RUBCNL: variants seen among roughly 807,000 people sequenced by gnomAD.
RUBCNL encodes the protein rubicon like autophagy enhancer, also known as protein associated with UVRAG as autophagy enhancer.
A neutral mutation model predicts 69.5 loss-of-function variants in RUBCNL; 62 were observed. That is an observed-to-expected ratio of 0.89 (90% CI 0.73 to 1.10). The LOEUF is 1.10. Among genes scored for constraint, RUBCNL ranks in the 50% least tolerant of loss-of-function variants. The pLI is 0.00. For synonymous variants in RUBCNL, 291 were observed against 303.6 expected (o/e 0.96, Z 0.43); for missense variants, 768 against 798.1 (o/e 0.96, Z 0.45).
intron 9 of RUBCNL, among the ~76,000 whole-genome samples, chr13:46,358,747 G>GTC (rs1270636496): frequency 6.6e-6 from 1 of 151,994 alleles, no homozygotes; most frequent in Admixed American, 6.6e-5. Flanking sequence ...TAGAGAGAGG[G>GTC]TTTCACCATG....
At chr13:46,343,871 C>T (rs1566060308) in intron 14 of RUBCNL, among the ~76,000 whole-genome samples, 1 of 152,154 alleles carries the variant, frequency 6.6e-6, no homozygotes, top group Non-Finnish European at 1.5e-5. Context: ...GCTTTGTCCC[C>T]TTCCTGGCAC....
At chr13:46,362,650 A>C in intron 6 of RUBCNL, 52 bp from the exon 7 acceptor site, 1 of 1,293,074 alleles carries the variant, frequency 7.7e-7, no homozygotes, top group Non-Finnish European at 1.1e-6. Flanking sequence ...TGTTTCATTT[A>C]ATCGCAGTCC....
Position 46,350,196 on chromosome 13 carries a change from T to C in RUBCNL, c.1486A>G (p.Ser496Gly), listed in dbSNP as rs1161091879. The C allele has an allele frequency of 1.3e-6, 2 of 1,591,838 alleles. No individual in the cohort carries two copies. Among genetic ancestry groups the C allele is most frequent in the Admixed American group, 3.5e-5 (2 of 56,630 alleles). Residue 496 changes from serine to glycine, a missense_variant, in exon 11 of 15, where the codon AGC (serine) becomes GGC (glycine). By Grantham distance (56) the Ser-to-Gly change is moderately conservative (BLOSUM62 0). Transcript: ENST00000429979. The stretch of plus-strand genomic sequence containing the variant: ...TTGAAAATGGGCTGGTGCCATATGC[T>C]GTCGAGCAGCTGTTTGGAGAAATTG... ...VSNFSKQLLD[S>G]IWHQPIFNLL... is the part of the protein sequence containing the mutation.
Position 46,344,787 on chromosome 13 carries a change from C to T in RUBCNL, c.1830G>A (p.Thr610=), listed in dbSNP as rs767364076. The T allele has an allele frequency of 3.7e-6, 6 of 1,611,890 alleles. No individual in the cohort carries two copies. The highest frequency in any genetic ancestry group is 4.2e-6 in the Non-Finnish European group (5 of 1,178,932). ...KGFICEFCQN[T]TVIFPFQTAT... is the part of the protein sequence containing the mutation. ...CTGTCTGAAATGGGAAGATGACAGT[C>T]GTATTCTGGCAAAATTCACAAATAA... Residue 610 remains threonine (T), a synonymous_variant, in exon 14 of 15, where the codon ACG becomes ACA. Transcript: ENST00000429979.
chr13:46,353,817 A>G (rs1298621431), intron 10 of RUBCNL, among the ~76,000 whole-genome samples: 1 of 152,256 alleles, frequency 6.6e-6, no homozygotes, highest in Non-Finnish European at 1.5e-5. Flanking sequence ...GTGCTGTCCA[A>G]TACAGTAGCC....
At chr13:46,361,140 G>A (rs1303310549) in intron 8 of RUBCNL, among the ~76,000 whole-genome samples, 3 of 152,182 alleles carry the variant, frequency 2.0e-5, no homozygotes, top group African/African-American at 7.2e-5. Context: ...CAGGAGAATC[G>A]CTTGAACCCA....
At chr13:46,354,613 G>T in intron 10 of RUBCNL, 1 of 353,216 alleles carries the variant, frequency 2.8e-6, no homozygotes, top group Non-Finnish European at 5.7e-6. Context: ...CTTTGCACAT[G>T]ACGAACACCC....
chr13:46,373,539 T>C (rs1293306091), intron 2 of RUBCNL, among the ~76,000 whole-genome samples: 1 of 152,012 alleles, frequency 6.6e-6, no homozygotes, highest in Non-Finnish European at 1.5e-5. Flanking sequence ...ATGATTAAAA[T>C]GTTGAGAGCT....
rs983773653 is a variant in RUBCNL, at chr13:46,334,990, G to A, written c.*8395C>T. Among the ~76,000 whole-genome samples the A allele has an allele frequency of 6.6e-6, 1 of 152,132 alleles. No homozygotes were observed. Among genetic ancestry groups the A allele is most frequent in the Non-Finnish European group, 1.5e-5 (1 of 68,012 alleles). On this transcript the variant is annotated 3_prime_UTR_variant, in exon 15 of 15. Transcript: ENST00000429979. ...AAGAGGAATTTTTAAAGAGGTTCCT[G>A]ATGGAGGGAAGAGAGGAACAGCTCA...
intron 4 of RUBCNL, 137 bp from the exon 5 acceptor site, chr13:46,368,386 T>C (rs976221385): frequency 1.3e-5 from 19 of 1,419,122 alleles, no homozygotes; most frequent in Non-Finnish European, 1.7e-5. Flanking sequence ...AACTGAGTTA[T>C]CATAGGTCAC....
At chr13:46,368,928 T>C (rs1185636044) in intron 3 of RUBCNL, 113 bp from the exon 4 acceptor site, 3 of 739,846 alleles carry the variant, frequency 4.1e-6, no homozygotes, top group Non-Finnish European at 6.8e-6. Context: ...ATAAGCACAA[T>C]TCTAGAATAA....
At chr13:46,381,708 G>C (rs2765623) in intron 1 of RUBCNL, among the ~76,000 whole-genome samples, 1 of 152,138 alleles carries the variant, frequency 6.6e-6, no homozygotes, top group South Asian at 2.1e-4. Flanking sequence ...TCAGCCTCCA[G>C]AGTAGCTGGG....
rs752737270 is a variant in RUBCNL, at chr13:46,343,421, T to C, written c.1953A>G (p.Arg651=). The C allele has an allele frequency of 8.1e-6, 13 of 1,613,864 alleles. No homozygotes were observed. The highest frequency in any genetic ancestry group is 3.4e-6 in the Non-Finnish European group (4 of 1,179,836). The change falls in exon 15 of 15, where the codon AGA becomes AGG. Residue 651 remains arginine (R), a synonymous_variant. Transcript: ENST00000429979. The part of the protein sequence containing the change: ...CPRCARITAR[R]KLLESVASAA... ...CAGAGGCCACACTTTCCAGAAGTTTTCTCCTCGCTGTGATCCTCGCACACC... is the reference window on the plus strand; with the variant it reads ...CAGAGGCCACACTTTCCAGAAGTTTCCTCCTCGCTGTGATCCTCGCACACC...
At chr13:46,344,934 T>G (rs548624675) in intron 13 of RUBCNL, 103 bp from the exon 14 acceptor site, 4 of 720,888 alleles carry the variant, frequency 5.5e-6, no homozygotes, top group Admixed American at 5.0e-5. Context: ...GTGTCTATGA[T>G]TCCAGCCTCT....
chr13:46,383,992 A>G (rs747343724), intron 1 of RUBCNL, among the ~76,000 whole-genome samples: 2 of 152,208 alleles, frequency 1.3e-5, no homozygotes, highest in Non-Finnish European at 2.9e-5. Context: ...TCTTCAGAAT[A>G]TTAATATTCA....
rs1474555070 is a variant in RUBCNL, at chr13:46,338,403, G to T, written c.*4982C>A. Among the ~76,000 whole-genome samples the T allele has an allele frequency of 6.6e-6, 1 of 152,128 alleles. No individual in the cohort carries two copies. On this transcript the variant is annotated 3_prime_UTR_variant, in exon 15 of 15. Transcript: ENST00000429979. Reference sequence around the variant, plus strand: ...TCCTACAAGCAGCTGCCCCTTGGCTGCCTCTTGGTCTTAGCAGCGCAGTTC... The same window carrying T: ...TCCTACAAGCAGCTGCCCCTTGGCTTCCTCTTGGTCTTAGCAGCGCAGTTC...
At chr13:46,383,245 G>A (rs1432627410) in intron 1 of RUBCNL, among the ~76,000 whole-genome samples, 5 of 152,124 alleles carry the variant, frequency 3.3e-5, no homozygotes, top group African/African-American at 1.2e-4. Context: ...TTGCCTATCT[G>A]ACCTCCTTAT....
chr13:46,338,119 G>A lies in RUBCNL; in HGVS notation c.*5266C>T, dbSNP rs564720294. On this transcript the variant is annotated 3_prime_UTR_variant, in exon 15 of 15. Coordinates refer to ENST00000429979, the MANE Select transcript of RUBCNL (RefSeq NM_025113.5). ...GCAAGATCGGGAGGGAGATGAAAAG[G>A]GGAAGCGCCCACCACTCCCATCTGC... 3.3e-5 allele frequency among the ~76,000 whole-genome samples: 5 copies of A among 152,272 alleles called. No homozygotes were observed. Among genetic ancestry groups the A allele is most frequent in the Admixed American group, 3.3e-4 (5 of 15,296 alleles).
chr13:46,342,572 G>A lies in RUBCNL; in HGVS notation c.*813C>T, dbSNP rs375640396. The A allele has an allele frequency of 2.0e-5, 3 of 152,276 alleles. No homozygotes were observed. In the East Asian group the frequency reaches 5.8e-4, roughly 29 times the overall value. The allele number at this position is 152,276 out of a possible 1,614,324, so 9.4% of individuals were successfully genotyped here. Reference sequence around the variant, plus strand: ...TTAATGTTATTACTAGAATCACACTGTTCATTATTTCCCCCAGTTCGTTTA... The same window carrying A: ...TTAATGTTATTACTAGAATCACACTATTCATTATTTCCCCCAGTTCGTTTA... On this transcript the variant is annotated 3_prime_UTR_variant, in exon 15 of 15. Coordinates refer to ENST00000429979, the MANE Select transcript of RUBCNL (RefSeq NM_025113.5).
Sources: allele counts gnomAD v4.1 joint callset (sites outside exome capture counted in the v4.1 genomes callset), GRCh38; gene constraint gnomAD v4.1.1; transcripts MANE v1.5; gene names NCBI Gene and HGNC (gene_info 2026-07-23, HGNC 2026-07-21).